ZNF337: variants seen among roughly 807,000 people sequenced by gnomAD.
ZNF337 encodes zinc finger protein 337.
In ZNF337, 8 loss-of-function variants were observed where a neutral mutation model predicts 12.1. The ratio of observed to expected loss-of-function variants is 0.66; its 90% CI spans 0.39 to 1.19. ZNF337 has a LOEUF of 1.19. Among genes scored for constraint, ZNF337 ranks in the 50% most tolerant of loss-of-function variants. The pLI, the probability that ZNF337 is intolerant of heterozygous loss-of-function variation, is 0.01. For missense variants in ZNF337, 882 were observed against 896.6 expected, an observed-to-expected ratio of 0.98 and a Z score of 0.21; for synonymous variants, 336 against 320.0, an observed-to-expected ratio of 1.05 and a Z score of -0.53.
rs1235429791 is a variant in ZNF337, at chr20:25,673,347, G to GTATC, written c.*1681_*1684dup. On this transcript the variant is annotated 3_prime_UTR_variant, in exon 5 of 5. Transcript: ENST00000252979. ...TTACAAAAGGATAGGCATATTGCAT[G>GTATC]TATCTTCCCTGTGCTGGACAAGGGT... Among the ~76,000 whole-genome samples, 7 of 152,330 alleles carry GTATC rather than the reference G, an allele frequency of 4.6e-5. No homozygotes were observed. Among genetic ancestry groups the GTATC allele is most frequent in the African/African-American group, 1.4e-4 (6 of 41,584 alleles).
At position 25,685,848 on chromosome 20, in the gene ZNF337, C is replaced by G. The variant is rs539780319; in HGVS notation, c.154+148G>C. ...CAGTGTGGGGAAAGGCCTGCAGGTGCCCAGTGGCAGTCAGTATGAAACTTT... is the reference window on the plus strand; with the variant it reads ...CAGTGTGGGGAAAGGCCTGCAGGTGGCCAGTGGCAGTCAGTATGAAACTTT... On this transcript the variant is annotated intron_variant, in intron 3 of 4. Coordinates refer to ENST00000252979, the MANE Select transcript of ZNF337 (RefSeq NM_015655.4). 3 of 1,302,888 alleles carry G rather than the reference C, an allele frequency of 2.3e-6. No homozygotes were observed. The East Asian group carries it at 7.0e-5, about 30-fold the overall frequency. The allele number at this position is 1,302,888 out of a possible 1,614,324, so 80.7% of individuals were successfully genotyped here.
Position 25,675,325 on chromosome 20 carries a change from G to A in ZNF337, c.1963C>T (p.Pro655Ser). ...TGCCCACACACATTACACACGAAGG[G>A]CTTCTCCCCTGAGTGTGTCCTCTGG... ...THQRTHSGEK[P>S]FVCNVCGQGF... Residue 655 changes from proline to serine, a missense_variant, in exon 5 of 5, where the codon CCC (proline) becomes TCC (serine). Coordinates refer to ENST00000252979, the MANE Select transcript of ZNF337 (RefSeq NM_015655.4). 1 of 1,614,156 alleles carries A rather than the reference G, an allele frequency of 6.2e-7. No individual in the cohort carries two copies. The highest frequency in any genetic ancestry group is 1.1e-5 in the South Asian group (1 of 91,084).
chr20:25,696,749 CG>C lies in ZNF337; in HGVS notation c.-50+9del, dbSNP rs951883604. The C allele has an allele frequency of 1.0e-6, 1 of 985,376 alleles. No homozygotes were observed. Among genetic ancestry groups the C allele is most frequent in the Non-Finnish European group, 1.2e-6 (1 of 829,966 alleles). The allele number at this position is 985,376 out of a possible 1,614,324, so 61.0% of individuals were successfully genotyped here. A position where few individuals can be genotyped will look rare whatever the true frequency, so the allele number is the denominator to read the frequency against. ...CGCTGCAGAGAGGGACCCGCAGGAG[CG>C]CAGCTCACCGGGGCGGCTGAGGGCG... On this transcript the variant is annotated intron_variant, in intron 1 of 4. Coordinates refer to ENST00000252979, the MANE Select transcript of ZNF337 (RefSeq NM_015655.4).
In ZNF337 at chr20:25,675,456, C is replaced by G; in HGVS notation, c.1832G>C (p.Trp611Ser). The G allele has an allele frequency of 1.2e-6, 2 of 1,613,692 alleles. No homozygotes were observed. Among genetic ancestry groups the G allele is most frequent in the Non-Finnish European group, 1.7e-6 (2 of 1,179,948 alleles). ...CTGGTGTTTCACAAGATTTGACTTC[C>G]AGATAAATCCTTGCCCACATTCACT... ...ICSECGQGFI[W>S]KSNLVKHQLA... The change falls in exon 5 of 5, where the codon TGG becomes TCG. Residue 611 changes from tryptophan (W) to serine (S), a missense_variant. By Grantham distance (177) the Trp-to-Ser change is radical. Coordinates refer to ENST00000252979, the MANE Select transcript of ZNF337 (RefSeq NM_015655.4).
rs746765447 is a variant in ZNF337, at chr20:25,676,122, C to A, written c.1166G>T (p.Gly389Val). The change falls in exon 5 of 5, where the codon GGA becomes GTA. Residue 389 changes from glycine (G) to valine (V), a missense_variant. By Grantham distance (109) the Gly-to-Val change is moderately radical. Coordinates refer to ENST00000252979, the MANE Select transcript of ZNF337 (RefSeq NM_015655.4). ...RQCKQSFSVK[G>V]SLLRHQRTHS... ...TGTTCTCTGGTGTCTGAGGAGACTT[C>A]CTTTCACGCTAAAACTTTGCTTACA... 102 of 1,602,378 alleles carry A rather than the reference C, an allele frequency of 6.4e-5. No homozygotes were observed. Among genetic ancestry groups the A allele is most frequent in the Middle Eastern group, 1.7e-4 (1 of 5,954 alleles).
chr20:25,692,156 T>TACTG (rs1366029049), intron 1 of ZNF337, among the ~76,000 whole-genome samples: 4 of 152,338 alleles, frequency 2.6e-5, no homozygotes, highest in African/African-American at 9.6e-5. Context: ...CAAGGGGCAC[T>TACTG]ACTGAGCTGG....
Position 25,675,238 on chromosome 20 carries a change from G to C in ZNF337, c.2050C>G (p.Pro684Ala), listed in dbSNP as rs147908423. 1 of 1,614,182 alleles carries C rather than the reference G, an allele frequency of 6.2e-7. No homozygotes were observed. The highest frequency in any genetic ancestry group is 1.3e-5 in the African/African-American group (1 of 75,040). ...HHWRIHSKEK[P>A]FVCQECKRGY... ...CGCTTACACTCCTGGCAAACAAAAGGCTTCTCCTTTGAGTGTATCCGCCAG... is the reference window on the plus strand; with the variant it reads ...CGCTTACACTCCTGGCAAACAAAAGCCTTCTCCTTTGAGTGTATCCGCCAG... Residue 684 changes from proline (P) to alanine (A), a missense_variant, in exon 5 of 5, where the codon CCT (proline) becomes GCT (alanine). Transcript: ENST00000252979.
rs761336942 is a variant in ZNF337 at position 25,676,730 on chromosome 20, C to T, written c.558G>A (p.Gly186=). The change falls in exon 5 of 5, where the codon GGG becomes GGA. Residue 186 remains glycine, a synonymous_variant. Transcript: ENST00000252979. ...CCATCATCTTCCGGCTGAAGTCTTGCCCACGCTCTGCACACTTGAATGCTC... is the reference window on the plus strand; with the variant it reads ...CCATCATCTTCCGGCTGAAGTCTTGTCCACGCTCTGCACACTTGAATGCTC... ...RWGAFKCAER[G]QDFSRKMMVI... is the part of the protein sequence containing the mutation. The T allele has an allele frequency of 1.9e-6, 3 of 1,614,066 alleles. No homozygotes were observed. The highest frequency in any genetic ancestry group is 2.7e-5 in the African/African-American group (2 of 74,916).
chr20:25,677,207 T>A (rs2065710288), intron 4 of ZNF337, 170 bp from the exon 5 acceptor site: 1 of 612,144 alleles, frequency 1.6e-6, no homozygotes, highest in African/African-American at 1.8e-5. Flanking sequence ...AGGGAGGAAT[T>A]CTTCCTAACT....
rs553976436 is a variant in ZNF337, at chr20:25,685,120, T to TAAA, written c.250+444_250+446dup. ...TGCACATATACCCCAGAACTTAAAT[T>TAAA]AAAAAAAAAAAAGAAAATCAGTATA... is the stretch of plus-strand genomic sequence containing the variant. On this transcript the variant is annotated intron_variant, in intron 4 of 4. Coordinates refer to ENST00000252979, the MANE Select transcript of ZNF337 (RefSeq NM_015655.4). Among the ~76,000 whole-genome samples, 999 of 137,682 alleles carry TAAA rather than the reference T, an allele frequency of 7.3e-3. 10 individuals are homozygous for TAAA. The highest frequency in any genetic ancestry group is 0.02 in the African/African-American group (758 of 38,130). 90.3% of individuals were successfully genotyped at this position (137,682 alleles called of 152,430 possible). A position where few individuals can be genotyped will look rare whatever the true frequency, so the allele number is the denominator to read the frequency against.
At position 25,675,279 on chromosome 20, in the gene ZNF337, C is replaced by A. The variant is rs761961207; in HGVS notation, c.2009G>T (p.Ser670Ile). Residue 670 changes from serine (S) to isoleucine (I), a missense_variant, in exon 5 of 5, where the codon AGT (serine) becomes ATT (isoleucine). Physicochemically the swap from Ser to Ile is moderately radical, Grantham distance 142. Transcript: ENST00000252979. The stretch of plus-strand genomic sequence containing the variant: ...TATCCGCCAGTGGTGTCTGGTGAGA[C>A]TTCTCTTCCAGCTGAAGCCTTGCCC... ...VCGQGFSWKR[S>I]LTRHHWRIHS... The A allele has an allele frequency of 1.2e-6, 2 of 1,614,194 alleles. No individual in the cohort carries two copies. Among genetic ancestry groups the A allele is most frequent in the Admixed American group, 1.7e-5 (1 of 60,024 alleles).
At chr20:25,677,965 C>A (rs1600434821) in intron 4 of ZNF337, 3 of 152,254 alleles carry the variant, frequency 2.0e-5, no homozygotes, top group Middle Eastern at 3.4e-3. Flanking sequence ...AAAAGTCTTT[C>A]CTCTAAGAAC....
At position 25,685,635 on chromosome 20, in the gene ZNF337, A is replaced by C; in HGVS notation, c.182T>G (p.Ile61Ser). Reference protein sequence around the residue: ...LGILHSKPELIRRLEQGEVPW... With the variant: ...LGILHSKPELSRRLEQGEVPW... ...CACTTCCCCTTGCTCTAGCCGCCTG[A>C]TGAGTTCTGGTTTAGAATGGAGAAT... is the stretch of plus-strand genomic sequence containing the variant. Residue 61 changes from isoleucine (I) to serine (S), a missense_variant, in exon 4 of 5, where the codon ATC (isoleucine) becomes AGC (serine). Physicochemically the swap from Ile to Ser is moderately radical, Grantham distance 142. Coordinates refer to ENST00000252979, the MANE Select transcript of ZNF337 (RefSeq NM_015655.4). 1 of 1,614,114 alleles carries C rather than the reference A, an allele frequency of 6.2e-7. No homozygotes were observed. The highest frequency in any genetic ancestry group is 8.5e-7 in the Non-Finnish European group (1 of 1,180,006).
Position 25,676,640 on chromosome 20 carries a change from G to C in ZNF337, c.648C>G (p.Gly216=). Residue 216 remains glycine (G), a synonymous_variant, in exon 5 of 5, where the codon GGC becomes GGG. Transcript: ENST00000252979. ...KLFTCRECHQ[G]FRDESALLLH... The stretch of plus-strand genomic sequence containing the variant: ...AGAGCAATGCTGACTCATCTCTAAA[G>C]CCCTGGTGACACTCCCTGCATGTAA... 6.2e-7 allele frequency: 1 copy of C among 1,614,146 alleles called. No homozygotes were observed. Among genetic ancestry groups the C allele is most frequent in the Non-Finnish European group, 8.5e-7 (1 of 1,180,028 alleles).
intron 4 of ZNF337, chr20:25,681,286 G>A (rs1372590431): frequency 2.6e-5 from 4 of 152,144 alleles, no homozygotes; most frequent in African/African-American, 4.8e-5. Flanking sequence ...CGATACTCAA[G>A]ATGACAGAGG....
In ZNF337 at chr20:25,685,561, C is replaced by T; in HGVS notation, c.250+6G>A. ...TGTGCTCTGTCTGCCCTGTCTATCC[C>T]CTCACCTGCACAGGGGCCTGGCCGG... On this transcript the variant is annotated splice_donor_region_variant and intron_variant, in intron 4 of 4. Transcript: ENST00000252979. 1.2e-6 allele frequency: 2 copies of T among 1,612,936 alleles called. No individual in the cohort carries two copies. Among genetic ancestry groups the T allele is most frequent in the Non-Finnish European group, 1.7e-6 (2 of 1,178,942 alleles).
chr20:25,679,481 A>G (rs2122378109), intron 4 of ZNF337, among the ~76,000 whole-genome samples: 1 of 152,294 alleles, frequency 6.6e-6, no homozygotes, highest in South Asian at 2.1e-4. Context: ...ACAACAAAAA[A>G]TCCAACTAAA....
intron 4 of ZNF337, among the ~76,000 whole-genome samples, chr20:25,679,011 C>CATATTTAT (rs1275375081): frequency 6.6e-6 from 1 of 151,402 alleles, no homozygotes; most frequent in East Asian, 1.9e-4. Context: ...CAAATAAATC[C>CATATTTAT]ATATATTTAT....
In ZNF337 at chr20:25,686,462, C is replaced by G. The variant is rs1185995704; in HGVS notation, c.-45G>C. The G allele has an allele frequency of 6.2e-7, 1 of 1,611,338 alleles. No homozygotes were observed. The highest frequency in any genetic ancestry group is 8.5e-7 in the Non-Finnish European group (1 of 1,178,708). On this transcript the variant is annotated 5_prime_UTR_variant, in exon 2 of 5. Coordinates refer to ENST00000252979, the MANE Select transcript of ZNF337 (RefSeq NM_015655.4). ...ACGGAGAAGGGAAGCTTGCAGATGG[C>G]CAATCTGTGGGAGGAGAGAAGTCAG...
Sources: gnomAD v4.1 joint callset for allele counts (sites outside exome capture counted in the v4.1 genomes callset) on GRCh38, gnomAD v4.1.1 for gene constraint, MANE v1.5 for transcripts, NCBI Gene and HGNC (gene_info 2026-07-23, HGNC 2026-07-21) for gene names.